Variants in OSBP2 observed in about 807,000 individuals in gnomAD.
The protein encoded by OSBP2 is oxysterol-binding protein 2.
In OSBP2, 66 loss-of-function variants were observed where a neutral mutation model predicts 96.0. The observed-to-expected ratio is 0.69, with a 90% CI of 0.56 to 0.84. OSBP2 has a LOEUF of 0.84. OSBP2 is among the 40% of genes least tolerant of loss of function. The pLI is 0.00. For synonymous variants in OSBP2, 525 were observed against 520.9 expected (o/e 1.01, Z -0.11); for missense variants, 1,038 against 1,222.7 (o/e 0.85, Z 2.25).
intron 2 of OSBP2, among the ~76,000 whole-genome samples, chr22:30,847,192 G>C (rs1468238766): frequency 6.6e-6 from 1 of 151,982 alleles, no homozygotes; most frequent in Admixed American, 6.6e-5. Context: ...TGGCCAGGCT[G>C]GTCTCAAACT....
chr22:30,858,939 C>T (rs902487772), intron 2 of OSBP2, among the ~76,000 whole-genome samples: 10 of 149,212 alleles, frequency 6.7e-5, no homozygotes, highest in South Asian at 6.5e-4. Context: ...TGATATTTCT[C>T]GTGCCATCCA....
At chr22:30,864,241 G>C (rs111668474) in intron 2 of OSBP2, among the ~76,000 whole-genome samples, 1 of 152,064 alleles carries the variant, frequency 6.6e-6, no homozygotes, top group Non-Finnish European at 1.5e-5. Flanking sequence ...CAAAGTGCTG[G>C]GATTACATCA....
chr22:30,811,215 G>C lies in OSBP2; in HGVS notation c.854-59214G>C, dbSNP rs1215103055. On this transcript the variant is annotated intron_variant, in intron 2 of 13. Transcript: ENST00000332585. ...AAAATGAGATTGTACTGTACATACT[G>C]ATCAAGAGCTTGCTTTTTTCCTTAT... Among the ~76,000 whole-genome samples, 4 of 146,306 alleles carry C rather than the reference G, an allele frequency of 2.7e-5. No homozygotes were observed. The East Asian group carries it at 6.2e-4, about 23-fold the overall frequency.
chr22:30,812,251 C>T (rs1367662787), intron 2 of OSBP2, among the ~76,000 whole-genome samples: 1 of 151,962 alleles, frequency 6.6e-6, no homozygotes, highest in African/African-American at 2.4e-5. Context: ...CTGCAACCTC[C>T]TGCTTCCAGG....
chr22:30,843,429 G>A (rs533366969), intron 2 of OSBP2, among the ~76,000 whole-genome samples: 42 of 133,996 alleles, frequency 3.1e-4, no homozygotes, highest in East Asian at 6.3e-4. Context: ...GCCACAGTAC[G>A]TTTTCAGGAA....
At chr22:30,796,787 C>G (rs1055392266) in intron 2 of OSBP2, among the ~76,000 whole-genome samples, 1 of 152,164 alleles carries the variant, frequency 6.6e-6, no homozygotes, top group East Asian at 1.9e-4. Flanking sequence ...GGATTACAGG[C>G]GTGAGCCACG....
chr22:30,870,818 GC>G lies in OSBP2; in HGVS notation c.1107+142del. 3.4e-6 allele frequency: 3 copies of G among 886,062 alleles called. No individual in the cohort carries two copies. The highest frequency in any genetic ancestry group is 5.1e-6 in the Non-Finnish European group (3 of 589,508). The allele number at this position is 886,062 out of a possible 1,614,324, so 54.9% of individuals were successfully genotyped here. A position where few individuals can be genotyped will look rare whatever the true frequency, so the allele number is the denominator to read the frequency against. On this transcript the variant is annotated intron_variant, in intron 3 of 13. Coordinates refer to ENST00000332585, the MANE Select transcript of OSBP2 (RefSeq NM_030758.4). This position sits in a 1 kb window ranked among gnomAD's most constrained non-coding sequence, Gnocchi z 4.1. ...TTCCACGGTGTTTCCCAAAGCCAGC[GC>G]CCCCCAGCTAGCTTCCGAGTTCTTA...
intron 1 of OSBP2, among the ~76,000 whole-genome samples, chr22:30,699,469 A>G (rs972187020): frequency 2.0e-5 from 3 of 152,196 alleles, no homozygotes; most frequent in African/African-American, 7.2e-5. Flanking sequence ...TGTTCATCTT[A>G]CGTAATGCCA....
At chr22:30,796,450 TTTG>T (rs2090763150) in intron 2 of OSBP2, among the ~76,000 whole-genome samples, 1 of 152,234 alleles carries the variant, frequency 6.6e-6, no homozygotes, top group Non-Finnish European at 1.5e-5. Flanking sequence ...TCTTCTATTC[TTTG>T]TTAATATATG....
intron 2 of OSBP2, among the ~76,000 whole-genome samples, chr22:30,855,243 A>G (rs891327165): frequency 6.6e-6 from 1 of 152,180 alleles, no homozygotes; most frequent in African/African-American, 2.4e-5. Context: ...ATATAGTTCT[A>G]GGCTTTTTTC....
chr22:30,753,414 G>A (rs549636888), intron 2 of OSBP2, among the ~76,000 whole-genome samples: 1 of 152,266 alleles, frequency 6.6e-6, no homozygotes, highest in African/African-American at 2.4e-5. Context: ...CTGTGGCCTG[G>A]GCATCATAGT....
chr22:30,814,922 C>A (rs1274104531), intron 2 of OSBP2, among the ~76,000 whole-genome samples: 1 of 152,164 alleles, frequency 6.6e-6, no homozygotes, highest in East Asian at 1.9e-4. Flanking sequence ...GCTTGTAGAT[C>A]TGAGCTCAGA....
In OSBP2 at chr22:30,870,820, C is replaced by A; in HGVS notation, c.1107+138C>A. 1 of 868,278 alleles carries A rather than the reference C, an allele frequency of 1.2e-6. No individual in the cohort carries two copies. Among genetic ancestry groups the A allele is most frequent in the Non-Finnish European group, 1.7e-6 (1 of 574,208 alleles). 53.8% of individuals were successfully genotyped at this position (868,278 alleles called of 1,614,324 possible). A position where few individuals can be genotyped will look rare whatever the true frequency, so the allele number is the denominator to read the frequency against. Reference sequence around the variant, plus strand: ...CCACGGTGTTTCCCAAAGCCAGCGCCCCCCAGCTAGCTTCCGAGTTCTTAA... The same window carrying A: ...CCACGGTGTTTCCCAAAGCCAGCGCACCCCAGCTAGCTTCCGAGTTCTTAA... On this transcript the variant is annotated intron_variant, in intron 3 of 13. Transcript: ENST00000332585. The surrounding 1 kb of genome is among the most constrained non-coding windows in gnomAD (Gnocchi z 4.1).
intron 1 of OSBP2, among the ~76,000 whole-genome samples, chr22:30,702,176 C>T (rs79299045): frequency 0.015 from 2,288 of 152,316 alleles, 28 homozygotes; most frequent in Middle Eastern, 0.044. Context: ...CTCTCCATCC[C>T]AGTTGCCGCA....
At chr22:30,808,699 A>T (rs373984218) in intron 2 of OSBP2, among the ~76,000 whole-genome samples, 1 of 152,190 alleles carries the variant, frequency 6.6e-6, no homozygotes, top group African/African-American at 2.4e-5. Context: ...TGACACCTGT[A>T]ATCCCAGCAC....
chr22:30,858,127 TTTTGTTTG>T (rs571615164), intron 2 of OSBP2, among the ~76,000 whole-genome samples: 12 of 131,752 alleles, frequency 9.1e-5, no homozygotes, highest in Admixed American at 1.5e-4. Context: ...TTTGTTTTTT[TTTTGTTTG>T]TTTGTTTGTT....
chr22:30,702,214 C>G (rs2089175420), intron 1 of OSBP2, among the ~76,000 whole-genome samples: 1 of 152,228 alleles, frequency 6.6e-6, no homozygotes, highest in East Asian at 1.9e-4. Flanking sequence ...CTTCTGCTTA[C>G]CTGGTGTCCC....
At chr22:30,751,558 T>G (rs1001254063) in intron 2 of OSBP2, among the ~76,000 whole-genome samples, 1 of 152,062 alleles carries the variant, frequency 6.6e-6, no homozygotes, top group African/African-American at 2.4e-5. Context: ...TTTTGCCATG[T>G]TTGCCAGGCT....
intron 3 of OSBP2, among the ~76,000 whole-genome samples, chr22:30,878,195 A>G (rs1170250911): frequency 1.3e-5 from 2 of 150,958 alleles, no homozygotes; most frequent in Non-Finnish European, 2.9e-5. Flanking sequence ...AAAGGACTCA[A>G]TGCCAAGTGA....
Sources: gnomAD v4.1 joint callset for allele counts (sites outside exome capture counted in the v4.1 genomes callset) on GRCh38, gnomAD v4.1.1 for gene constraint, Gnocchi (gnomAD v3.1) non-coding constraint, MANE v1.5 for transcripts, NCBI Gene and HGNC (gene_info 2026-07-23, HGNC 2026-07-21) for gene names.